SGSM3: variants seen among roughly 807,000 people sequenced by gnomAD.
SGSM3 encodes small G protein signaling modulator 3.
SGSM3 carries 96 observed loss-of-function variants against 100.5 expected under a neutral mutation model. The ratio of observed to expected loss-of-function variants is 0.96; its 90% CI spans 0.81 to 1.13. The LOEUF is 1.13. Ranked by LOEUF, SGSM3 falls within the 50% of genes most tolerant of loss-of-function variation. SGSM3 has a pLI of 0.00. For missense variants in SGSM3, 1,001 were observed against 1,015.8 expected (o/e 0.99, Z 0.20); for synonymous variants, 483 against 422.8 (o/e 1.14, Z -1.75).
intron 1 of SGSM3, among the ~76,000 whole-genome samples, chr22:40,382,790 T>C (rs997675206): frequency 6.6e-6 from 1 of 152,204 alleles, no homozygotes; most frequent in South Asian, 2.1e-4. Context: ...ATGCCAAGCA[T>C]GTGATAGGGG....
chr22:40,407,246 CG>C lies in SGSM3; in HGVS notation c.1288del (p.Glu430AsnfsTer29). On this transcript the variant is annotated frameshift_variant, in exon 12 of 22. Transcript: ENST00000248929. LOFTEE classifies it high-confidence loss of function. This position sits in a 1 kb window ranked among gnomAD's most constrained non-coding sequence, Gnocchi z 4.7. ...EALKAKNIKQTELVADLREAI... is the reference protein window; with the variant it reads ...EALKAKNIKQXELVADLREAI... Reference sequence around the variant, plus strand: ...CTCAAGGCCAAGAACATCAAGCAGACGGAACTGGTGGCTGACCTCCGGGAAG... The same window carrying C: ...CTCAAGGCCAAGAACATCAAGCAGACGAACTGGTGGCTGACCTCCGGGAAG... The C allele has an allele frequency of 6.2e-7, 1 of 1,613,662 alleles. No homozygotes were observed. Among genetic ancestry groups the C allele is most frequent in the African/African-American group, 1.3e-5 (1 of 75,056 alleles).
chr22:40,396,230 T>G (rs974171077), intron 1 of SGSM3, among the ~76,000 whole-genome samples: 2 of 152,148 alleles, frequency 1.3e-5, no homozygotes, highest in Non-Finnish European at 2.9e-5. Flanking sequence ...TATCGATAGC[T>G]TCAAGTGTCC....
intron 1 of SGSM3, among the ~76,000 whole-genome samples, chr22:40,381,501 CTG>C (rs1297124867): frequency 6.6e-6 from 1 of 152,132 alleles, no homozygotes; most frequent in Non-Finnish European, 1.5e-5. Context: ...GAAATACAAA[CTG>C]AAGTATTATA....
At chr22:40,401,321 C>T (rs1053365110) in intron 2 of SGSM3, among the ~76,000 whole-genome samples, 1 of 152,026 alleles carries the variant, frequency 6.6e-6, no homozygotes, top group African/African-American at 2.4e-5. Flanking sequence ...TGGCACGATC[C>T]TTGCTCACTG....
chr22:40,387,405 A>G, intron 1 of SGSM3: 1 of 387,080 alleles, frequency 2.6e-6, no homozygotes, highest in Non-Finnish European at 4.6e-6. Flanking sequence ...TGATGTAAAG[A>G]TGAGATAGTT....
chr22:40,402,010 G>C, intron 3 of SGSM3, 129 bp from the exon 4 acceptor site: 1 of 702,132 alleles, frequency 1.4e-6, no homozygotes. Flanking sequence ...GCTTTTGGAA[G>C]AGTAGCCTTT....
intron 1 of SGSM3, chr22:40,379,473 AAC>A (rs2047206664): frequency 6.6e-6 from 1 of 152,216 alleles, no homozygotes. Context: ...GTCCCTGTGT[AAC>A]ACAGCTAGTT....
intron 2 of SGSM3, among the ~76,000 whole-genome samples, chr22:40,401,065 T>C (rs1482054203): frequency 6.6e-6 from 1 of 152,148 alleles, no homozygotes; most frequent in Non-Finnish European, 1.5e-5. Context: ...AGATGAAGTT[T>C]GGTCATGTTT....
Position 40,404,321 on chromosome 22 carries a change from C to A in SGSM3, c.232C>A (p.Gln78Lys). ...GGATGCTCCACAGAGGCTGCGGTGG[C>A]AGGCCCACCTGGAGTTCACCCATAA... is the stretch of plus-strand genomic sequence containing the variant. ...MEDAPQRLRW[Q>K]AHLEFTHNHD... is the part of the protein sequence containing the mutation. Residue 78 changes from glutamine (Q) to lysine (K), a missense_variant, in exon 5 of 22, where the codon CAG becomes AAG. Transcript: ENST00000248929. The A allele has an allele frequency of 6.3e-7, 1 of 1,583,046 alleles. No homozygotes were observed. Among genetic ancestry groups the A allele is most frequent in the Middle Eastern group, 1.7e-4 (1 of 5,918 alleles).
rs751494852 is a variant in SGSM3 at position 40,406,119 on chromosome 22, G to A, written c.856G>A (p.Ala286Thr). 37 of 1,613,980 alleles carry A rather than the reference G, an allele frequency of 2.3e-5. No homozygotes were observed. The highest frequency in any genetic ancestry group is 1.2e-4 in the Admixed American group (7 of 59,994). ...ITLHWFLTAF[A>T]SVVDIKLLLR... ...ACTGCACTGGTTCCTCACGGCCTTC[G>A]CCAGCGTGGTGGACATCAAGCTGCT... is the stretch of plus-strand genomic sequence containing the variant. The change falls in exon 9 of 22, where the codon GCC becomes ACC. Residue 286 changes from alanine to threonine, a missense_variant. Physicochemically the swap from Ala to Thr is moderately conservative, Grantham distance 58. Coordinates refer to ENST00000248929, the MANE Select transcript of SGSM3 (RefSeq NM_015705.6).
chr22:40,401,498 G>T (rs745900885), intron 2 of SGSM3, 95 bp from the exon 3 acceptor site: 15 of 916,446 alleles, frequency 1.6e-5, no homozygotes, highest in Middle Eastern at 5.4e-4. Context: ...TGCCCACCTC[G>T]GCCTCCCAAA....
At chr22:40,377,380 T>A (rs2046811054) in intron 1 of SGSM3, among the ~76,000 whole-genome samples, 1 of 152,226 alleles carries the variant, frequency 6.6e-6, no homozygotes, top group African/African-American at 2.4e-5. Flanking sequence ...CTGCTGTTGT[T>A]TTCAACGAGC....
rs1261030045 is a variant in SGSM3, at chr22:40,409,284, T to C, written c.2023T>C (p.Cys675Arg). ...GCTGCACCTGTGGCTGGAGGTGCTCTGCTCCAGCCTGCCCACCGTGGAGAA... is the reference window on the plus strand; with the variant it reads ...GCTGCACCTGTGGCTGGAGGTGCTCCGCTCCAGCCTGCCCACCGTGGAGAA... ...QVLHLWLEVL[C>R]SSLPTVEKWY... The change falls in exon 20 of 22, where the codon TGC (cysteine) becomes CGC (arginine). Residue 675 changes from cysteine to arginine, a missense_variant. Cys to Arg is a radical substitution (Grantham distance 180). Transcript: ENST00000248929. 6.2e-7 allele frequency: 1 copy of C among 1,611,926 alleles called. No individual in the cohort carries two copies. The highest frequency in any genetic ancestry group is 8.5e-7 in the Non-Finnish European group (1 of 1,179,774).
chr22:40,387,361 T>G (rs1056160274), intron 1 of SGSM3: 2 of 394,050 alleles, frequency 5.1e-6, no homozygotes, highest in Non-Finnish European at 8.9e-6. Flanking sequence ...ATGAAACATT[T>G]CCGGTAATTA....
chr22:40,395,300 T>C (rs1438440706), intron 1 of SGSM3, among the ~76,000 whole-genome samples: 1 of 151,910 alleles, frequency 6.6e-6, no homozygotes, highest in Non-Finnish European at 1.5e-5. Flanking sequence ...GATTTCTAAA[T>C]AAGCATTTAA....
chr22:40,404,537 T>TTGCGGCTCCCTTCCCTCAGCTGTGGA lies in SGSM3; in HGVS notation c.367-11_381dup. ...GTGTCACGAGAAAGACTGAGTGCCC[T>TTGCGGCTCCCTTCCCTCAGCTGTGGA]TGCGGCTCCCTTCCCTCAGCTGTGG... On this transcript the variant is annotated intron_variant, in intron 5 of 21. Coordinates refer to ENST00000248929, the MANE Select transcript of SGSM3 (RefSeq NM_015705.6). 6.2e-7 allele frequency: 1 copy of TTGCGGCTCCCTTCCCTCAGCTGTGGA among 1,612,300 alleles called. No homozygotes were observed. Among genetic ancestry groups the TTGCGGCTCCCTTCCCTCAGCTGTGGA allele is most frequent in the Non-Finnish European group, 8.5e-7 (1 of 1,178,652 alleles).
Position 40,400,693 on chromosome 22 carries a change from C to G in SGSM3, c.-111-3C>G. 1 of 998,628 alleles carries G rather than the reference C, an allele frequency of 1.0e-6. No homozygotes were observed. Among genetic ancestry groups the G allele is most frequent in the Non-Finnish European group, 1.5e-6 (1 of 659,036 alleles). 61.9% of individuals were successfully genotyped at this position (998,628 alleles called of 1,614,324 possible). On this transcript the variant is annotated splice_polypyrimidine_tract_variant and splice_region_variant and intron_variant, in intron 1 of 21. Coordinates refer to ENST00000248929, the MANE Select transcript of SGSM3 (RefSeq NM_015705.6). ...ATGACTTTCCTCTTTTCTCTTCTAA[C>G]AGGGCAGATGATTCTGGACCAGATG... is the stretch of plus-strand genomic sequence containing the variant.
At chr22:40,399,445 A>G (rs1333972434) in intron 1 of SGSM3, among the ~76,000 whole-genome samples, 1 of 152,174 alleles carries the variant, frequency 6.6e-6, no homozygotes, top group African/African-American at 2.4e-5. Context: ...AGGGCCATCT[A>G]GCTGGTGGCC....
At chr22:40,391,484 A>G (rs1357057570) in intron 1 of SGSM3, among the ~76,000 whole-genome samples, 1 of 152,110 alleles carries the variant, frequency 6.6e-6, no homozygotes, top group Non-Finnish European at 1.5e-5. Flanking sequence ...GGTGGTGCAC[A>G]CCTGTAGTCC....
Sources: gnomAD v4.1 joint callset for allele counts (sites outside exome capture counted in the v4.1 genomes callset) on GRCh38, gnomAD v4.1.1 for gene constraint, Gnocchi (gnomAD v3.1) non-coding constraint, MANE v1.5 for transcripts, NCBI Gene and HGNC (gene_info 2026-07-23, HGNC 2026-07-21) for gene names.